Variants in EXOC4 observed in about 807,000 individuals in gnomAD.
EXOC4 encodes the protein exocyst complex component 4.
A neutral mutation model predicts 107.2 loss-of-function variants in EXOC4; 71 were observed. The ratio of observed to expected loss-of-function variants is 0.66; its 90% confidence interval spans 0.55 to 0.81. The LOEUF (loss-of-function observed/expected upper bound fraction) is 0.81. Ranked by LOEUF, EXOC4 falls within the 30% of genes least tolerant of loss-of-function variation. The pLI is 0.00. For synonymous variants in EXOC4, 456 were observed against 441.2 expected (o/e 1.03, Z -0.42); for missense variants, 1,108 against 1,189.6 (o/e 0.93, Z 1.01).
intron 9 of EXOC4, among the ~76,000 whole-genome samples, chr7:133,485,968 G>A (rs774153640): frequency 2.0e-4 from 30 of 151,724 alleles, no homozygotes; most frequent in Non-Finnish European, 4.4e-4. Flanking sequence ...TTTCTATCTC[G>A]GGGCTACTTA....
chr7:133,976,017 A>G (rs1283549515), intron 14 of EXOC4, among the ~76,000 whole-genome samples: 3 of 152,208 alleles, frequency 2.0e-5, no homozygotes, highest in African/African-American at 7.2e-5. Flanking sequence ...TTAAAAATGA[A>G]AGAAAAGCCC....
chr7:133,771,829 A>AATG (rs1796249477), intron 10 of EXOC4, among the ~76,000 whole-genome samples: 1 of 151,968 alleles, frequency 6.6e-6, no homozygotes, highest in African/African-American at 2.4e-5. Flanking sequence ...AGCAGGAAAG[A>AATG]ATGAGGTATG....
chr7:134,066,414 A>T (rs541113112), downstream of EXOC4: 1 of 152,320 alleles, frequency 6.6e-6, no homozygotes, highest in African/African-American at 2.4e-5. Flanking sequence ...GAACCAACCA[A>T]AAAATGGCAG....
intron 9 of EXOC4, among the ~76,000 whole-genome samples, chr7:133,489,203 C>T (rs776553362): frequency 1.7e-4 from 26 of 151,924 alleles, no homozygotes; most frequent in Middle Eastern, 3.4e-3. Flanking sequence ...AGGGTTGTAA[C>T]CAAAGAGAGG....
chr7:133,394,425 T>C (rs1796925059), intron 7 of EXOC4, among the ~76,000 whole-genome samples: 1 of 152,210 alleles, frequency 6.6e-6, no homozygotes, highest in South Asian at 2.1e-4. Flanking sequence ...TCTTTAAGTG[T>C]TAAGTCTGTC....
intron 10 of EXOC4, among the ~76,000 whole-genome samples, chr7:133,741,485 C>G (rs1437472560): frequency 6.6e-6 from 1 of 152,130 alleles, no homozygotes; most frequent in Admixed American, 6.5e-5. Context: ...CACATGGTAT[C>G]ATAATTATTA....
rs755377120 is a variant in EXOC4, at chr7:133,390,554, G to A, written c.1182+15552G>A. Among the ~76,000 whole-genome samples, 51 of 152,128 alleles carry A rather than the reference G, an allele frequency of 3.4e-4. 1 individual carries two copies. Among genetic ancestry groups the A allele is most frequent in the Non-Finnish European group, 2.8e-4 (19 of 68,024 alleles). ...GCCAGCTATAGGGAAAGACCTTGGG[G>A]TTGAAGGGATTTGATAGACTTGCCT... On this transcript the variant is annotated intron_variant, in intron 7 of 17. Coordinates refer to ENST00000253861, the MANE Select transcript of EXOC4 (RefSeq NM_021807.4).
chr7:133,484,535 G>T (rs900556286), intron 9 of EXOC4, among the ~76,000 whole-genome samples: 3 of 151,154 alleles, frequency 2.0e-5, no homozygotes, highest in African/African-American at 7.3e-5. Context: ...ATCTGGTGAG[G>T]GTTAAAAAAA....
In EXOC4 at chr7:133,475,261, A is replaced by G. The variant is rs561057168; in HGVS notation, c.1183-67A>G. On this transcript the variant is annotated intron_variant, in intron 7 of 17. Transcript: ENST00000253861. ...AGAATTAGATTTGCATGGTTTTAAA[A>G]TAGTTTTTCTTAATTGCACATTAAA... 932 of 1,347,024 alleles carry G rather than the reference A, an allele frequency of 6.9e-4. 2 individuals carry two copies. Among genetic ancestry groups the G allele is most frequent in the Non-Finnish European group, 9.2e-4 (887 of 959,488 alleles). 83.4% of individuals were successfully genotyped at this position (1,347,024 alleles called of 1,614,324 possible). A position where few individuals can be genotyped will look rare whatever the true frequency, so the allele number is the denominator to read the frequency against.
At chr7:133,751,587 G>A (rs979766518) in intron 10 of EXOC4, among the ~76,000 whole-genome samples, 1 of 152,146 alleles carries the variant, frequency 6.6e-6, no homozygotes, top group African/African-American at 2.4e-5. Flanking sequence ...TGATGTAAGT[G>A]AGCAAATCTC....
intron 9 of EXOC4, among the ~76,000 whole-genome samples, chr7:133,483,039 A>G (rs1298451107): frequency 6.6e-6 from 1 of 152,192 alleles, no homozygotes; most frequent in African/African-American, 2.4e-5. Context: ...TCTTCTGAGT[A>G]CTTTCCATAC....
intron 9 of EXOC4, among the ~76,000 whole-genome samples, chr7:133,610,442 A>G (rs1802050701): frequency 6.6e-6 from 1 of 152,196 alleles, no homozygotes; most frequent in Non-Finnish European, 1.5e-5. Flanking sequence ...TTGCTTTTAT[A>G]AAGTCAGATC....
Position 133,778,971 on chromosome 7 carries a change from T to C in EXOC4, c.1515-38354T>C, listed in dbSNP as rs565006479. 2.0e-5 allele frequency among the ~76,000 whole-genome samples: 3 copies of C among 152,352 alleles called. No homozygotes were observed. The East Asian group carries it at 5.8e-4, about 29-fold the overall frequency. The stretch of plus-strand genomic sequence containing the variant: ...AGATACGATATGATTTGGCCTTCTC[T>C]GTATCTTCAAATAAGCAGTCCTCAA... On this transcript the variant is annotated intron_variant, in intron 10 of 17. Coordinates refer to ENST00000253861, the MANE Select transcript of EXOC4 (RefSeq NM_021807.4).
rs965294682 is a variant in EXOC4 at position 133,317,320 on chromosome 7, T to C, written c.693T>C (p.Asp231=). 14 of 1,613,714 alleles carry C rather than the reference T, an allele frequency of 8.7e-6. No individual in the cohort carries two copies. Among genetic ancestry groups the C allele is most frequent in the Non-Finnish European group, 1.2e-5 (14 of 1,179,704 alleles). The change falls in exon 5 of 18, where the codon GAT becomes GAC. Residue 231 remains aspartate (D), a synonymous_variant. Coordinates refer to ENST00000253861, the MANE Select transcript of EXOC4 (RefSeq NM_021807.4). ...LVKDASVPLI[D]VTNLPTPRKF... is the part of the protein sequence containing the mutation. The stretch of plus-strand genomic sequence containing the variant: ...AAGATGCTTCTGTTCCTCTGATTGA[T>C]GTTACAAACCTCCCTACTCCTCGAA...
intron 11 of EXOC4, among the ~76,000 whole-genome samples, chr7:133,870,235 C>T (rs1034177438): frequency 1.3e-5 from 2 of 152,022 alleles, no homozygotes; most frequent in Non-Finnish European, 2.9e-5. Context: ...ATTTTTTTCT[C>T]ACACACATCT....
chr7:133,994,350 G>C (rs1794331460), intron 14 of EXOC4, among the ~76,000 whole-genome samples: 1 of 152,078 alleles, frequency 6.6e-6, no homozygotes, highest in African/African-American at 2.4e-5. Context: ...ATGCCTATCG[G>C]GGGGAGGAGG....
chr7:133,532,933 T>C (rs1800207269), intron 9 of EXOC4, among the ~76,000 whole-genome samples: 1 of 151,996 alleles, frequency 6.6e-6, no homozygotes, highest in Admixed American at 6.6e-5. Context: ...GAATGTAGTT[T>C]TTTCTTTGAG....
At chr7:133,778,312 G>A (rs987265667) in intron 10 of EXOC4, among the ~76,000 whole-genome samples, 6 of 152,282 alleles carry the variant, frequency 3.9e-5, no homozygotes, top group South Asian at 2.1e-4. Flanking sequence ...AAGACTTCTC[G>A]GGTCAGGCAT....
intron 9 of EXOC4, among the ~76,000 whole-genome samples, chr7:133,535,034 C>T (rs913710255): frequency 2.0e-5 from 3 of 152,078 alleles, no homozygotes; most frequent in African/African-American, 7.2e-5. Flanking sequence ...CGAGATGGGC[C>T]CTCATTTGTG....
Sources: allele counts gnomAD v4.1 joint callset (sites outside exome capture counted in the v4.1 genomes callset), GRCh38; gene constraint gnomAD v4.1.1; transcripts MANE v1.5; gene names NCBI Gene and HGNC (gene_info 2026-07-23, HGNC 2026-07-21).